The following CCNY variants were observed in gnomAD, a reference collection of about 807,000 sequenced individuals.
The protein encoded by CCNY is cyclin Y, also known as cyclin-Y.
In CCNY, 19 loss-of-function variants were observed where a neutral mutation model predicts 42.8. The observed-to-expected ratio is 0.44, with a 90% confidence interval of 0.31 to 0.65. CCNY has a LOEUF of 0.65. Among genes scored for constraint, CCNY ranks in the 30% least tolerant of loss-of-function variants. The pLI is 0.07. For synonymous variants in CCNY, 165 were observed against 162.7 expected (o/e 1.01, Z -0.11); for missense variants, 370 against 437.3 (o/e 0.85, Z 1.37).
intron 1 of CCNY, among the ~76,000 whole-genome samples, chr10:35,443,028 C>A (rs1838708369): frequency 6.6e-6 from 1 of 152,124 alleles, no homozygotes; most frequent in African/African-American, 2.4e-5. Flanking sequence ...ATCTAAACAT[C>A]CCTAAACATG....
At chr10:35,429,390 T>C (rs1043847504) in intron 1 of CCNY, among the ~76,000 whole-genome samples, 1 of 152,240 alleles carries the variant, frequency 6.6e-6, no homozygotes, top group African/African-American at 2.4e-5. Context: ...TCATTAAAAT[T>C]TCTCAGTTTT....
In CCNY at chr10:35,452,770, TAA is replaced by T. The variant is rs35849411; in HGVS notation, c.155-30614_155-30613del. Among the ~76,000 whole-genome samples, 497 of 115,884 alleles carry T rather than the reference TAA, an allele frequency of 4.3e-3. 2 individuals carry two copies. The highest frequency in any genetic ancestry group is 5.9e-3 in the East Asian group (24 of 4,100). 76.0% of individuals were successfully genotyped at this position (115,884 alleles called of 152,430 possible). A position where few individuals can be genotyped will look rare whatever the true frequency, so the allele number is the denominator to read the frequency against. On this transcript the variant is annotated intron_variant, in intron 1 of 9. Coordinates refer to ENST00000374704, the MANE Select transcript of CCNY (RefSeq NM_145012.6). ...AGAAAATTTGGAAATTATAGAAAAG[TAA>T]AAAAAAAAAAAAAAAAAAATGGAAA... is the stretch of plus-strand genomic sequence containing the variant.
chr10:35,441,869 C>T (rs999969857), intron 1 of CCNY, among the ~76,000 whole-genome samples: 8 of 152,068 alleles, frequency 5.3e-5, no homozygotes, highest in African/African-American at 1.4e-4. Context: ...AAGTTAATTA[C>T]GTATTAATTG....
At chr10:35,475,835 CAG>C (rs1839496727) in intron 1 of CCNY, among the ~76,000 whole-genome samples, 1 of 151,250 alleles carries the variant, frequency 6.6e-6, no homozygotes, top group South Asian at 2.1e-4. Context: ...TTAAAAGACA[CAG>C]ACTGGCAAAT....
chr10:35,547,263 A>C (rs1455198002), intron 7 of CCNY, among the ~76,000 whole-genome samples: 1 of 152,158 alleles, frequency 6.6e-6, no homozygotes, highest in East Asian at 1.9e-4. Flanking sequence ...TAATATAATA[A>C]ATGCCGTTAA....
In CCNY at chr10:35,426,109, GCGCACACACA is replaced by G. The variant is rs1168141930; in HGVS notation, c.155-57293_155-57284del. Among the ~76,000 whole-genome samples the G allele has an allele frequency of 1.0e-2, 1,114 of 111,750 alleles. 19 individuals are homozygous for G. The highest frequency in any genetic ancestry group is 0.052 in the East Asian group (205 of 3,914). The allele number at this position is 111,750 out of a possible 152,430, so 73.3% of individuals were successfully genotyped here. ...TCTTCTCCCTTCACTGGTCCAGCAC[GCGCACACACA>G]CACACACACACACACACACACACAC... is the stretch of plus-strand genomic sequence containing the variant. On this transcript the variant is annotated intron_variant, in intron 1 of 9. Transcript: ENST00000374704.
chr10:35,476,330 C>T (rs973735002), intron 1 of CCNY, among the ~76,000 whole-genome samples: 7 of 152,134 alleles, frequency 4.6e-5, no homozygotes, highest in African/African-American at 9.7e-5. Context: ...ACAGAACATA[C>T]ATTTTTTTTC....
chr10:35,518,166 C>G (rs1840468390), intron 4 of CCNY, among the ~76,000 whole-genome samples: 1 of 152,230 alleles, frequency 6.6e-6, no homozygotes, highest in Admixed American at 6.5e-5. Flanking sequence ...GGCTGTGACA[C>G]AGACACTTAG....
chr10:35,537,045 C>CCA (rs1190280449), intron 7 of CCNY, among the ~76,000 whole-genome samples: 1 of 152,138 alleles, frequency 6.6e-6, no homozygotes, highest in Non-Finnish European at 1.5e-5. Flanking sequence ...TAGCCTGGGC[C>CCA]CACGGTTCCT....
intron 1 of CCNY, among the ~76,000 whole-genome samples, chr10:35,400,067 T>C (rs1837611075): frequency 6.6e-6 from 1 of 151,920 alleles, no homozygotes; most frequent in East Asian, 2.0e-4. Context: ...TTCTGACACC[T>C]GCCTGCTTCC....
At chr10:35,250,514 C>G (rs1025448731) in intron 2 of CCNY, 1 of 152,292 alleles carries the variant, frequency 6.6e-6, no homozygotes, top group Non-Finnish European at 1.5e-5. Flanking sequence ...CCCTGGGTCT[C>G]ATTCTAGAAC....
At chr10:35,510,254 A>G (rs886808373) in intron 3 of CCNY, among the ~76,000 whole-genome samples, 31 of 152,180 alleles carry the variant, frequency 2.0e-4, no homozygotes, top group Admixed American at 3.3e-4. Flanking sequence ...TCACTCTGTC[A>G]CTCAGGGTGG....
chr10:35,553,266 G>T (rs1284692296), intron 8 of CCNY, 81 bp downstream of exon 8: 1 of 1,441,752 alleles, frequency 6.9e-7, no homozygotes, highest in East Asian at 2.3e-5. Context: ...TTTTTTAATG[G>T]TCTGTATAGC....
intron 4 of CCNY, among the ~76,000 whole-genome samples, chr10:35,522,293 GT>G (rs1336079504): frequency 6.6e-6 from 1 of 152,212 alleles, no homozygotes; most frequent in African/African-American, 2.4e-5. Context: ...GATCCTCACA[GT>G]TTCTGGGCCC....
intron 1 of CCNY, among the ~76,000 whole-genome samples, chr10:35,365,762 A>G (rs1836795230): frequency 6.6e-6 from 1 of 152,240 alleles, no homozygotes; most frequent in African/African-American, 2.4e-5. Flanking sequence ...TATAAAAGGT[A>G]TTAACCTTAG....
At chr10:35,461,930 T>G (rs1016293784) in intron 1 of CCNY, among the ~76,000 whole-genome samples, 1 of 152,154 alleles carries the variant, frequency 6.6e-6, no homozygotes, top group East Asian at 1.9e-4. Flanking sequence ...TTTCTGTTTT[T>G]TTTTCTCCCG....
intron 3 of CCNY, among the ~76,000 whole-genome samples, chr10:35,268,699 G>A (rs1266346149): frequency 6.6e-6 from 1 of 152,206 alleles, no homozygotes; most frequent in East Asian, 1.9e-4. Context: ...TGGCCAGCCT[G>A]TACAGCCCTT....
intron 1 of CCNY, among the ~76,000 whole-genome samples, chr10:35,460,479 T>C (rs1002117674): frequency 6.6e-6 from 1 of 152,116 alleles, no homozygotes; most frequent in Non-Finnish European, 1.5e-5. Context: ...GGATAATTAT[T>C]AGAAGTTTCA....
chr10:35,435,578 T>G (rs1838511286), intron 1 of CCNY, among the ~76,000 whole-genome samples: 1 of 152,226 alleles, frequency 6.6e-6, no homozygotes, highest in Non-Finnish European at 1.5e-5. Context: ...AATACAATGC[T>G]TAACCTTTAT....
Sources: allele counts gnomAD v4.1 joint callset (sites outside exome capture counted in the v4.1 genomes callset), GRCh38; gene constraint gnomAD v4.1.1; transcripts MANE v1.5; gene names NCBI Gene and HGNC (gene_info 2026-07-23, HGNC 2026-07-21).